The following FAM227B variants were observed in gnomAD, a reference collection of about 807,000 sequenced individuals.
FAM227B encodes protein FAM227B.
Under a neutral mutation model 73.8 loss-of-function variants are expected in FAM227B, and 88 were observed. The observed-to-expected ratio is 1.19, with a 90% CI of 1.00 to 1.42. FAM227B has a LOEUF of 1.42. FAM227B is among the 40% of genes most tolerant of loss of function. The probability of loss-of-function intolerance (pLI) is 0.00; values close to 1 mark genes in which losing one functional copy is unlikely to be tolerated. For synonymous variants in FAM227B, 210 were observed against 190.5 expected, an observed-to-expected ratio of 1.10 and a Z score of -0.84; for missense variants, 632 against 590.9, an observed-to-expected ratio of 1.07 and a Z score of -0.72.
intron 11 of FAM227B, among the ~76,000 whole-genome samples, chr15:49,453,253 A>G (rs1320567672): frequency 1.3e-5 from 2 of 152,066 alleles, no homozygotes; most frequent in Admixed American, 6.6e-5. Flanking sequence ...GTATAAAAAT[A>G]TATACATATT....
chr15:49,616,861 T>C (rs955261826), intron 1 of FAM227B, among the ~76,000 whole-genome samples: 1 of 152,214 alleles, frequency 6.6e-6, no homozygotes, highest in Non-Finnish European at 1.5e-5. Flanking sequence ...CAATCTGTAG[T>C]GTCTGTGGTG....
chr15:49,461,629 C>T (rs2053808176), intron 11 of FAM227B, among the ~76,000 whole-genome samples: 1 of 152,162 alleles, frequency 6.6e-6, no homozygotes, highest in South Asian at 2.1e-4. Context: ...ATAAGTTGTA[C>T]ACTATGTATT....
At chr15:49,493,372 A>C (rs922413352) in intron 11 of FAM227B, among the ~76,000 whole-genome samples, 2 of 151,974 alleles carry the variant, frequency 1.3e-5, no homozygotes, top group East Asian at 1.9e-4. Flanking sequence ...CTCACTGTTC[A>C]CAAACTTCAT....
chr15:49,414,655 T>C (rs997003081), intron 11 of FAM227B, among the ~76,000 whole-genome samples: 1 of 151,950 alleles, frequency 6.6e-6, no homozygotes, highest in South Asian at 2.1e-4. Flanking sequence ...GGAGAGAAGA[T>C]ACAAAGAGGT....
intron 3 of FAM227B, among the ~76,000 whole-genome samples, chr15:49,597,129 G>A (rs1470102174): frequency 6.6e-6 from 1 of 151,898 alleles, no homozygotes; most frequent in African/African-American, 2.4e-5. Context: ...GGACTTAACA[G>A]ATATTTACAG....
At chr15:49,469,053 A>T (rs1327952170) in intron 11 of FAM227B, among the ~76,000 whole-genome samples, 1 of 152,174 alleles carries the variant, frequency 6.6e-6, no homozygotes, top group Non-Finnish European at 1.5e-5. Flanking sequence ...CATGATTTTG[A>T]CTTGGTTCAT....
intron 11 of FAM227B, chr15:49,424,317 C>A: frequency 6.2e-7 from 1 of 1,613,444 alleles, no homozygotes; most frequent in South Asian, 1.1e-5. Flanking sequence ...TGGATACTGA[C>A]ATGGATCCTG....
At chr15:49,366,141 T>A in intron 13 of FAM227B, 2 of 988,004 alleles carry the variant, frequency 2.0e-6, no homozygotes, top group South Asian at 2.5e-5. Flanking sequence ...AATGCCACAG[T>A]GAACACAGCA....
chr15:49,372,618 G>A (rs1212965362), intron 11 of FAM227B, among the ~76,000 whole-genome samples: 1 of 152,094 alleles, frequency 6.6e-6, no homozygotes, highest in Admixed American at 6.6e-5. Context: ...AGAGGGATTC[G>A]TGCCACTTCT....
At chr15:49,548,994 A>G (rs935220643) in intron 9 of FAM227B, among the ~76,000 whole-genome samples, 7 of 152,054 alleles carry the variant, frequency 4.6e-5, no homozygotes, top group African/African-American at 1.7e-4. Flanking sequence ...TTTCATTTCA[A>G]TTTCATTTAC....
intron 11 of FAM227B, among the ~76,000 whole-genome samples, chr15:49,495,249 T>G (rs927680381): frequency 4.6e-5 from 7 of 152,164 alleles, no homozygotes; most frequent in Non-Finnish European, 1.0e-4. Context: ...TTAAATAACT[T>G]GAAATTGCTT....
intron 9 of FAM227B, among the ~76,000 whole-genome samples, chr15:49,543,494 A>G (rs1248138143): frequency 6.6e-6 from 1 of 152,154 alleles, no homozygotes; most frequent in African/African-American, 2.4e-5. Flanking sequence ...GTTGTGCAGA[A>G]GCTTTTTAGT....
chr15:49,535,339 C>T (rs753807750), intron 10 of FAM227B, among the ~76,000 whole-genome samples: 1 of 151,350 alleles, frequency 6.6e-6, no homozygotes, highest in Non-Finnish European at 1.5e-5. Flanking sequence ...TGGACAAATA[C>T]CTAGAAAAAT....
At chr15:49,554,229 C>G (rs74014341) in intron 9 of FAM227B, among the ~76,000 whole-genome samples, 1 of 152,076 alleles carries the variant, frequency 6.6e-6, no homozygotes, top group Non-Finnish European at 1.5e-5. Flanking sequence ...AGGAAGGGGT[C>G]TCTTTCAGAG....
At chr15:49,570,811 C>A (rs2075040644) in intron 8 of FAM227B, among the ~76,000 whole-genome samples, 1 of 146,330 alleles carries the variant, frequency 6.8e-6, no homozygotes. Context: ...TTTTTAAAGG[C>A]TATATATTTT....
At chr15:49,517,457 T>C (rs73402157) in intron 10 of FAM227B, among the ~76,000 whole-genome samples, 4,381 of 152,230 alleles carry the variant, frequency 0.029, 220 homozygotes, top group African/African-American at 0.1. Context: ...CAGTGCAAAA[T>C]AGTCACAAAT....
intron 11 of FAM227B, among the ~76,000 whole-genome samples, chr15:49,465,391 C>T (rs1158472124): frequency 6.6e-6 from 1 of 151,988 alleles, no homozygotes; most frequent in East Asian, 1.9e-4. Context: ...CCACCTCGGC[C>T]TCCCAAAGTG....
chr15:49,435,155 T>C (rs1053590670), intron 11 of FAM227B, among the ~76,000 whole-genome samples: 3 of 151,492 alleles, frequency 2.0e-5, no homozygotes, highest in African/African-American at 7.3e-5. Context: ...ATGAATGAAA[T>C]ATTTTTTACT....
chr15:49,537,820 A>G (rs1164041665), intron 10 of FAM227B, among the ~76,000 whole-genome samples: 1 of 152,196 alleles, frequency 6.6e-6, no homozygotes, highest in African/African-American at 2.4e-5. Context: ...CACATAAATA[A>G]AAATATTTCA....
Sources: allele counts gnomAD v4.1 joint callset (sites outside exome capture counted in the v4.1 genomes callset), GRCh38; gene constraint gnomAD v4.1.1; transcripts MANE v1.5; gene names NCBI Gene and HGNC (gene_info 2026-07-23, HGNC 2026-07-21).